Variants in GRIK3 observed in about 807,000 individuals in gnomAD.
GRIK3 encodes glutamate receptor ionotropic, kainate 3.
GRIK3 carries 29 observed loss-of-function variants against 102.5 expected under a neutral mutation model. That is an observed-to-expected ratio of 0.28 (90% CI 0.21 to 0.39). The LOEUF (loss-of-function observed/expected upper bound fraction) is 0.39, where lower values mean the gene tolerates loss of function less well. Among genes scored for constraint, GRIK3 ranks in the 10% least tolerant of loss-of-function variants. The probability of loss-of-function intolerance (pLI) is 1.00; values close to 1 mark genes in which losing one functional copy is unlikely to be tolerated. For missense variants in GRIK3, 908 were observed against 1,252.4 expected, an observed-to-expected ratio of 0.73 and a Z score of 4.15; for synonymous variants, 511 against 504.9, an observed-to-expected ratio of 1.01 and a Z score of -0.16.
At chr1:37,002,241 T>G (rs1642485530) in intron 1 of GRIK3, among the ~76,000 whole-genome samples, 1 of 152,136 alleles carries the variant, frequency 6.6e-6, no homozygotes, top group African/African-American at 2.4e-5. Flanking sequence ...AAAATTAGAT[T>G]TACTGGGGGC....
At chr1:36,859,070 C>A (rs767561421) in intron 7 of GRIK3, 38 bp downstream of exon 7, 1 of 1,558,410 alleles carries the variant, frequency 6.4e-7, no homozygotes, top group East Asian at 2.3e-5. Flanking sequence ...CCCACAGTCC[C>A]GGGGAGACAA....
intron 1 of GRIK3, among the ~76,000 whole-genome samples, chr1:36,923,859 G>T (rs959574993): frequency 6.6e-6 from 1 of 151,976 alleles, no homozygotes; most frequent in Non-Finnish European, 1.5e-5. Flanking sequence ...TCTCCTATGT[G>T]TCTATCTGGT....
At chr1:36,899,203 A>C (rs966774754) in intron 1 of GRIK3, among the ~76,000 whole-genome samples, 3 of 152,132 alleles carry the variant, frequency 2.0e-5, no homozygotes, top group Non-Finnish European at 4.4e-5. Flanking sequence ...TTACCAAAAA[A>C]CTGTATATCA....
intron 1 of GRIK3, among the ~76,000 whole-genome samples, chr1:36,921,168 C>T (rs1641466775): frequency 6.6e-6 from 1 of 152,258 alleles, no homozygotes; most frequent in African/African-American, 2.4e-5. Context: ...GCAATAAAGC[C>T]TAGTGGTTAG....
rs779998886 is a variant in GRIK3, at chr1:36,801,864, G to C, written c.2747C>G (p.Pro916Arg). The C allele has an allele frequency of 1.9e-6, 3 of 1,606,106 alleles. No individual in the cohort carries two copies. Among genetic ancestry groups the C allele is most frequent in the Non-Finnish European group, 2.6e-6 (3 of 1,176,106 alleles). Residue 916 changes from proline (P) to arginine (R), a missense_variant, in exon 16 of 16, where the codon CCT becomes CGT. This residue lies in a region of GRIK3 where 297 missense variants were observed against 362.7 expected (regional missense o/e 0.82). Coordinates refer to ENST00000373091, the MANE Select transcript of GRIK3 (RefSeq NM_000831.4). ...CCCCAGCTGTGCCTAGGGGAACACA[G>C]GGGCTAAGGATGTGCTGCAGGCCAT... ...DSMACSTSLA[P>R]VFP is the part of the protein sequence containing the mutation.
At chr1:36,936,153 G>C (rs144519846) in intron 1 of GRIK3, among the ~76,000 whole-genome samples, 1 of 152,282 alleles carries the variant, frequency 6.6e-6, no homozygotes, top group African/African-American at 2.4e-5. Context: ...AGAGTAAAGT[G>C]AGCCTTGATG....
At chr1:37,005,516 C>T (rs750623718) in intron 1 of GRIK3, among the ~76,000 whole-genome samples, 125 of 152,316 alleles carry the variant, frequency 8.2e-4, no homozygotes, top group Non-Finnish European at 1.3e-3. Context: ...GGGTCCCTAA[C>T]AACAGTGCTG....
intron 1 of GRIK3, among the ~76,000 whole-genome samples, chr1:36,980,670 G>A (rs934952580): frequency 3.9e-5 from 6 of 151,952 alleles, no homozygotes; most frequent in African/African-American, 1.5e-4. Flanking sequence ...GCAAGGTCTG[G>A]CTTCCCTCAG....
intron 1 of GRIK3, among the ~76,000 whole-genome samples, chr1:36,920,442 G>A (rs1392820597): frequency 6.6e-6 from 1 of 152,046 alleles, no homozygotes; most frequent in Admixed American, 6.6e-5. Flanking sequence ...GAGGCCCAGG[G>A]TAAAGCCTGA....
intron 1 of GRIK3, among the ~76,000 whole-genome samples, chr1:37,006,739 A>G (rs1642537051): frequency 6.6e-6 from 1 of 152,250 alleles, no homozygotes; most frequent in Non-Finnish European, 1.5e-5. Flanking sequence ...TGGGGCAATC[A>G]AGACCAGCCT....
intron 1 of GRIK3, among the ~76,000 whole-genome samples, chr1:36,948,164 C>A (rs1406792373): frequency 1.3e-5 from 2 of 152,158 alleles, no homozygotes; most frequent in Non-Finnish European, 1.5e-5. Context: ...ACTAGGTACT[C>A]AGTACATATT....
chr1:36,992,170 G>T (rs551367184), intron 1 of GRIK3, among the ~76,000 whole-genome samples: 2 of 152,268 alleles, frequency 1.3e-5, no homozygotes, highest in African/African-American at 4.8e-5. Context: ...GCCATCTTCC[G>T]CCCTTCCCAA....
intron 1 of GRIK3, among the ~76,000 whole-genome samples, chr1:37,017,119 G>A (rs564291843): frequency 9.2e-5 from 14 of 151,940 alleles, no homozygotes; most frequent in Admixed American, 2.0e-4. Flanking sequence ...GGACAGCTGA[G>A]GGGGGAGGAT....
chr1:36,972,800 T>C (rs1642158199), intron 1 of GRIK3, among the ~76,000 whole-genome samples: 1 of 152,162 alleles, frequency 6.6e-6, no homozygotes. Context: ...CTCAGCAAGC[T>C]GGGAGCAGAA....
rs565474282 is a variant in GRIK3 at position 36,963,639 on chromosome 1, C to T, written c.115+70355G>A. Among the ~76,000 whole-genome samples the T allele has an allele frequency of 3.4e-4, 52 of 152,294 alleles. No individual in the cohort carries two copies. The South Asian group carries it at 0.01, about 30-fold the overall frequency. On this transcript the variant is annotated intron_variant, in intron 1 of 15. Transcript: ENST00000373091. ...GGTGGAACTGGGATTTGAACCCCTG[C>T]TTTTAACTTCTATTCCTTGTGATCT...
intron 1 of GRIK3, among the ~76,000 whole-genome samples, chr1:37,032,708 C>T (rs1442563534): frequency 3.3e-5 from 5 of 152,168 alleles, no homozygotes; most frequent in Admixed American, 3.3e-4. Context: ...GGGCATGGAC[C>T]GAAAGATCTC....
At chr1:37,022,824 C>A (rs1642729232) in intron 1 of GRIK3, among the ~76,000 whole-genome samples, 1 of 152,208 alleles carries the variant, frequency 6.6e-6, no homozygotes, top group Non-Finnish European at 1.5e-5. Context: ...GTGCTAGAAG[C>A]ACTGGATAAG....
intron 7 of GRIK3, among the ~76,000 whole-genome samples, chr1:36,855,560 G>T (rs558515782): frequency 6.6e-6 from 1 of 152,208 alleles, no homozygotes; most frequent in African/African-American, 2.4e-5. Flanking sequence ...TTAGAAAGTG[G>T]GCTCTGCACA....
At chr1:37,027,392 G>A (rs1338846277) in intron 1 of GRIK3, among the ~76,000 whole-genome samples, 3 of 152,052 alleles carry the variant, frequency 2.0e-5, no homozygotes, top group Non-Finnish European at 4.4e-5. Context: ...GGAGCACAAA[G>A]ATAAGTGGGA....
Sources: allele counts gnomAD v4.1 joint callset (sites outside exome capture counted in the v4.1 genomes callset), GRCh38; gene constraint gnomAD v4.1.1; regional missense constraint gnomAD v4.1.1; transcripts MANE v1.5; gene names NCBI Gene and HGNC (gene_info 2026-07-23, HGNC 2026-07-21).